Variants in SEPTIN14 observed in about 807,000 individuals in gnomAD.
SEPTIN14 encodes the protein septin 14, also known as septin-14.
SEPTIN14 carries 40 observed loss-of-function variants against 53.6 expected under a neutral mutation model. The observed-to-expected ratio is 0.75, with a 90% confidence interval of 0.58 to 0.97. SEPTIN14 has a LOEUF of 0.97. SEPTIN14 is among the 50% of genes least tolerant of loss of function. The pLI is 0.00. For synonymous variants in SEPTIN14, 138 were observed against 166.8 expected, an observed-to-expected ratio of 0.83 and a Z score of 1.33; for missense variants, 471 against 508.2, an observed-to-expected ratio of 0.93 and a Z score of 0.70.
chr7:55,807,200 A>G lies in SEPTIN14; in HGVS notation c.876T>C (p.Asn292=). 6.2e-7 allele frequency: 1 copy of G among 1,609,108 alleles called. No homozygotes were observed. The highest frequency in any genetic ancestry group is 8.5e-7 in the Non-Finnish European group (1 of 1,178,212). ...VKLRDMLLCT[N]MENLKEKTHT... ...GGGTTTTTTCTTTTAGATTTTCCATATTGGTACAAAGAAGCATATCTCGGA... is the reference window on the plus strand; with the variant it reads ...GGGTTTTTTCTTTTAGATTTTCCATGTTGGTACAAAGAAGCATATCTCGGA... The change falls in exon 8 of 10, where the codon AAT becomes AAC. Residue 292 remains asparagine (N), a synonymous_variant. Coordinates refer to ENST00000388975, the MANE Select transcript of SEPTIN14 (RefSeq NM_207366.3).
chr7:55,853,100 A>G (rs1789547911), intron 2 of SEPTIN14, among the ~76,000 whole-genome samples: 1 of 152,222 alleles, frequency 6.6e-6, no homozygotes, highest in Admixed American at 6.5e-5. Context: ...GCAAATGTGA[A>G]TTAGTATGGA....
chr7:55,821,342 T>TGAA (rs1157753558), intron 6 of SEPTIN14, among the ~76,000 whole-genome samples: 1 of 152,130 alleles, frequency 6.6e-6, no homozygotes, highest in African/African-American at 2.4e-5. Context: ...AGTGGGTGCC[T>TGAA]GAAGCTTCAG....
chr7:55,852,909 T>G (rs1337500916), intron 2 of SEPTIN14, among the ~76,000 whole-genome samples: 1 of 152,138 alleles, frequency 6.6e-6, no homozygotes, highest in Non-Finnish European at 1.5e-5. Context: ...AAAGAAGACA[T>G]ACAAATGGCA....
intron 5 of SEPTIN14, among the ~76,000 whole-genome samples, chr7:55,835,817 A>G (rs1789195876): frequency 6.6e-6 from 1 of 152,146 alleles, no homozygotes; most frequent in Non-Finnish European, 1.5e-5. Flanking sequence ...ATCTAGGCTC[A>G]GGGCAACGTC....
chr7:55,848,484 A>G (rs1057301608), intron 2 of SEPTIN14, among the ~76,000 whole-genome samples: 2 of 151,342 alleles, frequency 1.3e-5, no homozygotes. Context: ...TTTGATAGAG[A>G]CGGGGTCGCA....
rs574839345 is a variant in SEPTIN14, at chr7:55,819,993, C to T, written c.721-770G>A. On this transcript the variant is annotated intron_variant, in intron 6 of 9. Coordinates refer to ENST00000388975, the MANE Select transcript of SEPTIN14 (RefSeq NM_207366.3). ...CTTTAATAAGCAATACTGTATATGT[C>T]TCAATAAATTATGTTTGTTTTTTTG... Among the ~76,000 whole-genome samples, 13 of 152,064 alleles carry T rather than the reference C, an allele frequency of 8.5e-5. No individual in the cohort carries two copies. In the South Asian group the frequency reaches 2.5e-3, roughly 29 times the overall value.
At chr7:55,829,820 C>CAAAAAAAAAAAAAA (rs35998043) in intron 6 of SEPTIN14, among the ~76,000 whole-genome samples, 1 of 37,620 alleles carries the variant, frequency 2.7e-5, no homozygotes, top group Non-Finnish European at 4.5e-5. Flanking sequence ...GACTCCATCT[C>CAAAAAAAAAAAAAA]AAAAAAAAAA....
chr7:55,833,084 G>A (rs527929404), intron 6 of SEPTIN14, among the ~76,000 whole-genome samples: 2 of 152,254 alleles, frequency 1.3e-5, no homozygotes, highest in South Asian at 4.1e-4. Flanking sequence ...TGAGGCCGAG[G>A]CAGGCAGATT....
intron 2 of SEPTIN14, among the ~76,000 whole-genome samples, chr7:55,860,728 G>A (rs960958451): frequency 1.3e-5 from 2 of 151,880 alleles, no homozygotes; most frequent in Non-Finnish European, 2.9e-5. Context: ...AGGTCATATG[G>A]CTCCACCCAC....
At chr7:55,842,281 T>C (rs1256752843) in intron 5 of SEPTIN14, among the ~76,000 whole-genome samples, 1 of 152,028 alleles carries the variant, frequency 6.6e-6, no homozygotes, top group Admixed American at 6.6e-5. Flanking sequence ...GCCTTCAAGA[T>C]GTCTTATTAT....
chr7:55,802,018 G>A (rs1350967437), intron 9 of SEPTIN14, among the ~76,000 whole-genome samples: 1 of 137,374 alleles, frequency 7.3e-6, no homozygotes, highest in Admixed American at 7.3e-5. Flanking sequence ...TTTTTTCTAT[G>A]AGACGGAGTC....
chr7:55,861,685 T>C (rs1284903153), intron 2 of SEPTIN14, among the ~76,000 whole-genome samples: 1 of 152,194 alleles, frequency 6.6e-6, no homozygotes, highest in Non-Finnish European at 1.5e-5. Flanking sequence ...AAGTTTTACT[T>C]TGAATTTCTT....
chr7:55,805,817 C>T (rs1300531874), intron 8 of SEPTIN14, among the ~76,000 whole-genome samples: 1 of 152,138 alleles, frequency 6.6e-6, no homozygotes, highest in African/African-American at 2.4e-5. Context: ...TTGACAATAA[C>T]ATTCAGGGAA....
intron 6 of SEPTIN14, among the ~76,000 whole-genome samples, chr7:55,821,720 C>T (rs1562710745): frequency 1.3e-5 from 2 of 152,140 alleles, no homozygotes; most frequent in Non-Finnish European, 2.9e-5. Flanking sequence ...GATAATAATG[C>T]AATTTATATG....
At chr7:55,840,739 A>T (rs1361462172) in intron 5 of SEPTIN14, among the ~76,000 whole-genome samples, 1 of 152,142 alleles carries the variant, frequency 6.6e-6, no homozygotes, top group Non-Finnish European at 1.5e-5. Context: ...CTCAAATATT[A>T]ACAGAAAAAG....
intron 7 of SEPTIN14, among the ~76,000 whole-genome samples, chr7:55,817,245 G>A (rs916272950): frequency 4.6e-5 from 7 of 152,034 alleles, no homozygotes; most frequent in Non-Finnish European, 7.4e-5. Flanking sequence ...AAGTGAATAC[G>A]CCAAACACAG....
chr7:55,822,557 G>A (rs770577273), intron 6 of SEPTIN14, among the ~76,000 whole-genome samples: 26 of 151,406 alleles, frequency 1.7e-4, no homozygotes, highest in Non-Finnish European at 3.2e-4. Flanking sequence ...TAGACAAACA[G>A]ATCAATAGAG....
chr7:55,852,049 G>A (rs532573399), intron 2 of SEPTIN14, among the ~76,000 whole-genome samples: 20 of 151,860 alleles, frequency 1.3e-4, no homozygotes, highest in East Asian at 7.7e-4. Flanking sequence ...GGCTGAGGCA[G>A]GAGAATGACG....
intron 7 of SEPTIN14, among the ~76,000 whole-genome samples, chr7:55,810,475 CT>C (rs145847718): frequency 1.0e-3 from 128 of 124,860 alleles, no homozygotes; most frequent in Admixed American, 1.1e-3. Context: ...TTTTGAAGTT[CT>C]TTTTTTTTTT....
Sources: allele counts gnomAD v4.1 joint callset (sites outside exome capture counted in the v4.1 genomes callset), GRCh38; gene constraint gnomAD v4.1.1; transcripts MANE v1.5; gene names NCBI Gene and HGNC (gene_info 2026-07-23, HGNC 2026-07-21).